The following ZNF354C variants were observed in gnomAD, a reference collection of about 807,000 sequenced individuals.
ZNF354C encodes the protein zinc finger protein 354C, also known as KRAB-zinc finger protein synten.
ZNF354C carries 7 observed loss-of-function variants against 12.4 expected under a neutral mutation model. The observed-to-expected ratio is 0.56, with a 90% CI of 0.32 to 1.06. ZNF354C has a LOEUF of 1.06. Ranked by LOEUF, ZNF354C falls within the 50% of genes least tolerant of loss-of-function variation. The probability of loss-of-function intolerance (pLI) is 0.04; values close to 1 mark genes in which losing one functional copy is unlikely to be tolerated. For missense variants in ZNF354C, 609 were observed against 658.0 expected (o/e 0.93, Z 0.81); for synonymous variants, 202 against 224.5 (o/e 0.90, Z 0.90).
At position 179,082,616 on chromosome 5, in the gene ZNF354C, C is replaced by A. The variant is rs1175546221; in HGVS notation, c.*2519C>A. The A allele has an allele frequency of 7.7e-7, 1 of 1,303,632 alleles. No homozygotes were observed. Among genetic ancestry groups the A allele is most frequent in the East Asian group, 2.3e-5 (1 of 43,228 alleles). The allele number at this position is 1,303,632 out of a possible 1,614,324, so 80.8% of individuals were successfully genotyped here. A position where few individuals can be genotyped will look rare whatever the true frequency, so the allele number is the denominator to read the frequency against. On this transcript the variant is annotated 3_prime_UTR_variant, in exon 5 of 5. Coordinates refer to ENST00000315475, the MANE Select transcript of ZNF354C (RefSeq NM_014594.3). ...GAAGAGGGAGATATTCAGAAACCTT[C>A]ACCAGATTCCTCCCAACTTGATCAT...
Position 179,081,225 on chromosome 5 carries a change from A to G in ZNF354C, c.*1128A>G, listed in dbSNP as rs1762222712. ...ATATTCTTTTTTCTTATGAGTCCCT[A>G]ATTATGCCTGCTTTTGTTATAATTG... On this transcript the variant is annotated 3_prime_UTR_variant, in exon 5 of 5. Transcript: ENST00000315475. The G allele has an allele frequency of 6.6e-6, 1 of 152,108 alleles. No individual in the cohort carries two copies. The highest frequency in any genetic ancestry group is 2.1e-4 in the South Asian group (1 of 4,828). The allele number at this position is 152,108 out of a possible 1,614,324, so 9.4% of individuals were successfully genotyped here.
At chr5:179,073,185 A>G (rs1762072762) in intron 2 of ZNF354C, among the ~76,000 whole-genome samples, 1 of 152,248 alleles carries the variant, frequency 6.6e-6, no homozygotes, top group African/African-American at 2.4e-5. Context: ...TCTATATCCA[A>G]TGAAAATACT....
chr5:179,074,398 G>A (rs1291727916), intron 2 of ZNF354C, among the ~76,000 whole-genome samples: 1 of 152,046 alleles, frequency 6.6e-6, no homozygotes, highest in African/African-American at 2.4e-5. Context: ...AAGGGGCTGG[G>A]ATTACAGGCG....
At position 179,080,186 on chromosome 5, in the gene ZNF354C, C is replaced by A; in HGVS notation, c.*89C>A. On this transcript the variant is annotated 3_prime_UTR_variant, in exon 5 of 5. Coordinates refer to ENST00000315475, the MANE Select transcript of ZNF354C (RefSeq NM_014594.3). ...ACTCCTAATAGATTTGTCTTTTTTA[C>A]TTCTCCTGAAGGAAATATGTTAGTT... 1 of 1,013,530 alleles carries A rather than the reference C, an allele frequency of 9.9e-7. No individual in the cohort carries two copies. The highest frequency in any genetic ancestry group is 1.4e-6 in the Non-Finnish European group (1 of 705,696). The allele number at this position is 1,013,530 out of a possible 1,614,324, so 62.8% of individuals were successfully genotyped here.
At chr5:179,070,378 G>A (rs535447992) in intron 2 of ZNF354C, among the ~76,000 whole-genome samples, 1 of 152,294 alleles carries the variant, frequency 6.6e-6, no homozygotes, top group Non-Finnish European at 1.5e-5. Context: ...GGCAACATCA[G>A]TAACATTGAG....
At chr5:179,071,728 G>T (rs1352342212) in intron 2 of ZNF354C, among the ~76,000 whole-genome samples, 2 of 152,206 alleles carry the variant, frequency 1.3e-5, no homozygotes, top group Non-Finnish European at 2.9e-5. Context: ...AAACTTAGCA[G>T]TTGGAAAGTG....
In ZNF354C at chr5:179,082,006, A is replaced by C. The variant is rs1762232918; in HGVS notation, c.*1909A>C. ...ATGATGAAAGTAGAGAAAAAAGAAAACTCTATACAATTATTTGAAGAATGT... is the reference window on the plus strand; with the variant it reads ...ATGATGAAAGTAGAGAAAAAAGAAACCTCTATACAATTATTTGAAGAATGT... On this transcript the variant is annotated 3_prime_UTR_variant, in exon 5 of 5. Transcript: ENST00000315475. 1 of 152,112 alleles carries C rather than the reference A, an allele frequency of 6.6e-6. No individual in the cohort carries two copies. Among genetic ancestry groups the C allele is most frequent in the African/African-American group, 2.4e-5 (1 of 41,412 alleles). The allele number at this position is 152,112 out of a possible 1,614,324, so 9.4% of individuals were successfully genotyped here. A position where few individuals can be genotyped will look rare whatever the true frequency, so the allele number is the denominator to read the frequency against.
chr5:179,073,560 A>G (rs1308636794), intron 2 of ZNF354C, among the ~76,000 whole-genome samples: 11 of 152,016 alleles, frequency 7.2e-5, no homozygotes, highest in Admixed American at 7.2e-4. Flanking sequence ...CTTTTTCTCT[A>G]GAAAAGCTCT....
At position 179,081,504 on chromosome 5, in the gene ZNF354C, C is replaced by T. The variant is rs1396846960; in HGVS notation, c.*1407C>T. 2 of 150,722 alleles carry T rather than the reference C, an allele frequency of 1.3e-5. No individual in the cohort carries two copies. Among genetic ancestry groups the T allele is most frequent in the Admixed American group, 1.3e-4 (2 of 15,094 alleles). 9.3% of individuals were successfully genotyped at this position (150,722 alleles called of 1,614,324 possible). Reference sequence around the variant, plus strand: ...GGTATCATTAAAAAAAATTCTAATACAATTAGCTAGACCTTCTGAGAAAAA... The same window carrying T: ...GGTATCATTAAAAAAAATTCTAATATAATTAGCTAGACCTTCTGAGAAAAA... On this transcript the variant is annotated 3_prime_UTR_variant, in exon 5 of 5. Coordinates refer to ENST00000315475, the MANE Select transcript of ZNF354C (RefSeq NM_014594.3).
chr5:179,066,508 C>T (rs902948054), intron 2 of ZNF354C, among the ~76,000 whole-genome samples: 9 of 152,328 alleles, frequency 5.9e-5, no homozygotes, highest in African/African-American at 1.7e-4. Context: ...CCATGAAGAA[C>T]TTCTTTTACT....
At chr5:179,073,127 G>A (rs1762072046) in intron 2 of ZNF354C, among the ~76,000 whole-genome samples, 1 of 152,090 alleles carries the variant, frequency 6.6e-6, no homozygotes, top group South Asian at 2.1e-4. Context: ...GCAATAGAAT[G>A]ACATTTTACA....
chr5:179,076,535 G>A lies in ZNF354C; in HGVS notation c.118G>A (p.Val40Met), dbSNP rs1054127119. 3.1e-6 allele frequency: 5 copies of A among 1,614,192 alleles called. No individual in the cohort carries two copies. Among genetic ancestry groups the A allele is most frequent in the Non-Finnish European group, 4.2e-6 (5 of 1,180,042 alleles). ...TGCCCAGAGGGCCTTGTACCGGGAG[G>A]TGATGCTGGAGAACTACAGCAGCCT... is the stretch of plus-strand genomic sequence containing the variant. ...DSAQRALYRE[V>M]MLENYSSLVS... The change falls in exon 3 of 5, where the codon GTG becomes ATG. Residue 40 changes from valine (V) to methionine (M), a missense_variant. Coordinates refer to ENST00000315475, the MANE Select transcript of ZNF354C (RefSeq NM_014594.3).
In ZNF354C at chr5:179,082,790, G is replaced by A. The variant is rs1762246704; in HGVS notation, c.*2693G>A. 6 of 1,359,226 alleles carry A rather than the reference G, an allele frequency of 4.4e-6. No individual in the cohort carries two copies. The Admixed American group carries it at 1.0e-4, about 23-fold the overall frequency. The allele number at this position is 1,359,226 out of a possible 1,614,324, so 84.2% of individuals were successfully genotyped here. On this transcript the variant is annotated 3_prime_UTR_variant, in exon 5 of 5. Coordinates refer to ENST00000315475, the MANE Select transcript of ZNF354C (RefSeq NM_014594.3). ...GAGGATCACTGGCATCATCCAGGGT[G>A]ATGTTCTTCAAGCGACTGACCAACC...
chr5:179,083,072 T>C lies in ZNF354C; in HGVS notation c.*2975T>C. On this transcript the variant is annotated 3_prime_UTR_variant, in exon 5 of 5. Transcript: ENST00000315475. ...CGCAGGGGTGTGATGTTGTAAGCCA[T>C]AGTTTGTGCATTTTGGCCCTGGTCT... The C allele has an allele frequency of 4.1e-6, 3 of 734,028 alleles. No homozygotes were observed. The highest frequency in any genetic ancestry group is 4.6e-6 in the Non-Finnish European group (2 of 438,674). 45.5% of individuals were successfully genotyped at this position (734,028 alleles called of 1,614,324 possible). A position where few individuals can be genotyped will look rare whatever the true frequency, so the allele number is the denominator to read the frequency against.
chr5:179,074,375 A>G (rs978604208), intron 2 of ZNF354C, among the ~76,000 whole-genome samples: 4 of 146,376 alleles, frequency 2.7e-5, no homozygotes, highest in Non-Finnish European at 4.5e-5. Flanking sequence ...TGATCCGCCC[A>G]CCTCTGCCTC....
At chr5:179,069,728 C>T (rs10043971) in intron 2 of ZNF354C, among the ~76,000 whole-genome samples, 41,453 of 149,970 alleles carry the variant, frequency 0.28, 5,904 homozygotes, top group South Asian at 0.38. Context: ...TAGCCGGGCG[C>T]GGTGGCGGGC....
At chr5:179,078,595 A>G (rs1762162598) in intron 4 of ZNF354C, 88 bp from the exon 5 acceptor site, 2 of 1,000,184 alleles carry the variant, frequency 2.0e-6, no homozygotes, top group African/African-American at 3.3e-5. Flanking sequence ...CTTCTTTCAT[A>G]TATACTGTTA....
chr5:179,064,477 C>T (rs1380727278), intron 2 of ZNF354C, among the ~76,000 whole-genome samples: 15 of 151,490 alleles, frequency 9.9e-5, no homozygotes, highest in African/African-American at 2.4e-4. Flanking sequence ...AGTGCAGTGG[C>T]GCCATCTCGG....
In ZNF354C at chr5:179,079,524, A is replaced by C; in HGVS notation, c.1092A>C (p.Gly364=). 6.2e-7 allele frequency: 1 copy of C among 1,614,174 alleles called. No individual in the cohort carries two copies. The highest frequency in any genetic ancestry group is 8.5e-7 in the Non-Finnish European group (1 of 1,180,034). The change falls in exon 5 of 5, where the codon GGA becomes GGC. Residue 364 remains glycine (G), a synonymous_variant. Transcript: ENST00000315475. This position sits in a 1 kb window ranked among gnomAD's most constrained non-coding sequence, Gnocchi z 4.2. ...ATAAATGTAGTGAGTGTGGGAAGGGATACAGCCAGTTTACATCTCTAGCTG... is the reference window on the plus strand; with the variant it reads ...ATAAATGTAGTGAGTGTGGGAAGGGCTACAGCCAGTTTACATCTCTAGCTG... ...KPYKCSECGK[G]YSQFTSLAEH...
Sources: gnomAD v4.1 joint callset for allele counts (sites outside exome capture counted in the v4.1 genomes callset) on GRCh38, gnomAD v4.1.1 for gene constraint, Gnocchi (gnomAD v3.1) non-coding constraint, MANE v1.5 for transcripts, NCBI Gene and HGNC (gene_info 2026-07-23, HGNC 2026-07-21) for gene names.